EVL: variants seen among roughly 807,000 people sequenced by gnomAD.
EVL encodes the protein ena/VASP-like protein.
Under a neutral mutation model 59.6 loss-of-function variants are expected in EVL, and 21 were observed. That is an observed-to-expected ratio of 0.35 (90% CI 0.25 to 0.51). The LOEUF (loss-of-function observed/expected upper bound fraction) is 0.51. EVL is among the 20% of genes least tolerant of loss of function. The probability of loss-of-function intolerance (pLI) is 0.97; values close to 1 mark genes in which losing one functional copy is unlikely to be tolerated. For missense variants in EVL, 462 were observed against 546.6 expected (o/e 0.85, Z 1.54); for synonymous variants, 198 against 203.5 (o/e 0.97, Z 0.23).
Position 100,109,658 on chromosome 14 carries a change from A to T in EVL, c.358+12000A>T. On this transcript the variant is annotated intron_variant, in intron 3 of 13. Coordinates refer to ENST00000392920, the MANE Select transcript of EVL (RefSeq NM_016337.3). The surrounding 1 kb of genome is among the most constrained non-coding windows in gnomAD (Gnocchi z 4.3). ...GACCGCTTGCTGGCCAACCTGTGAAACTGGGCTCAAGGTGAGGGGTGCTAT... is the reference window on the plus strand; with the variant it reads ...GACCGCTTGCTGGCCAACCTGTGAATCTGGGCTCAAGGTGAGGGGTGCTAT... 1.9e-6 allele frequency: 1 copy of T among 531,202 alleles called. No homozygotes were observed. Among genetic ancestry groups the T allele is most frequent in the South Asian group, 1.4e-5 (1 of 70,424 alleles). 32.9% of individuals were successfully genotyped at this position (531,202 alleles called of 1,614,324 possible). A position where few individuals can be genotyped will look rare whatever the true frequency, so the allele number is the denominator to read the frequency against.
chr14:100,072,166 G>A (rs1325220537), intron 1 of EVL, among the ~76,000 whole-genome samples: 3 of 152,158 alleles, frequency 2.0e-5, no homozygotes, highest in Non-Finnish European at 4.4e-5. Context: ...TCGATCAAAT[G>A]TAATCCATGA....
chr14:100,021,352 G>A (rs2061121002), intron 1 of EVL, among the ~76,000 whole-genome samples: 1 of 152,198 alleles, frequency 6.6e-6, no homozygotes, highest in Non-Finnish European at 1.5e-5. Flanking sequence ...CTATCATTAT[G>A]AAGGGTAGAC....
chr14:99,973,236 C>T (rs1325148777), intron 1 of EVL, among the ~76,000 whole-genome samples: 1 of 152,184 alleles, frequency 6.6e-6, no homozygotes, highest in Non-Finnish European at 1.5e-5. Flanking sequence ...TACGAGCTGA[C>T]ATTCTTACCA....
At chr14:100,088,899 A>T (rs557160048) in intron 2 of EVL, among the ~76,000 whole-genome samples, 4 of 152,376 alleles carry the variant, frequency 2.6e-5, no homozygotes, top group East Asian at 1.9e-4. Context: ...AATAAAGCTG[A>T]TAAGGAGATC....
chr14:100,014,862 G>A (rs907502951), intron 1 of EVL, among the ~76,000 whole-genome samples: 1 of 152,124 alleles, frequency 6.6e-6, no homozygotes, highest in Admixed American at 6.6e-5. Context: ...TCTTATTACC[G>A]CTCAGCCCCC....
At chr14:100,097,729 G>A (rs1595172665) in intron 3 of EVL, 71 bp downstream of exon 3, 2 of 1,434,248 alleles carry the variant, frequency 1.4e-6, no homozygotes, top group Admixed American at 2.2e-5. Context: ...CCACAGCTCT[G>A]GCTCTCCGGG....
At chr14:100,014,533 T>C (rs1289106258) in intron 1 of EVL, among the ~76,000 whole-genome samples, 1 of 152,232 alleles carries the variant, frequency 6.6e-6, no homozygotes, top group African/African-American at 2.4e-5. Flanking sequence ...AGTCATCTGT[T>C]GATGGGTACT....
chr14:100,119,461 C>T (rs1267758443), intron 3 of EVL, among the ~76,000 whole-genome samples: 1 of 152,282 alleles, frequency 6.6e-6, no homozygotes, highest in South Asian at 2.1e-4. Context: ...CCACTCATCC[C>T]GTATACTTCA....
intron 1 of EVL, among the ~76,000 whole-genome samples, chr14:99,997,505 A>G (rs538362477): frequency 1.3e-5 from 2 of 152,352 alleles, no homozygotes; most frequent in African/African-American, 4.8e-5. Context: ...AATGATTTTG[A>G]TTCTGGGAGA....
rs2061157523 is a variant in EVL at position 100,023,293 on chromosome 14, A to G, written c.5+51236A>G. ...GATCTCAGCTCACTGCAACCTCCAC[A>G]TCCCAAGTTCAAGCAATTCTCCTGC... On this transcript the variant is annotated intron_variant, in intron 1 of 13. Transcript: ENST00000402714. Among the ~76,000 whole-genome samples the G allele has an allele frequency of 2.0e-5, 3 of 146,356 alleles. No individual in the cohort carries two copies. In the South Asian group the frequency reaches 6.5e-4, roughly 32 times the overall value.
chr14:100,068,365 C>T (rs750483591), intron 1 of EVL, among the ~76,000 whole-genome samples: 9 of 152,174 alleles, frequency 5.9e-5, no homozygotes, highest in Non-Finnish European at 1.3e-4. Flanking sequence ...TCAGGCCCAA[C>T]GGCAAAGCCT....
upstream of EVL, among the ~76,000 whole-genome samples, chr14:100,063,050 A>G (rs755642350): frequency 6.6e-6 from 1 of 152,194 alleles, no homozygotes; most frequent in Non-Finnish European, 1.5e-5. Flanking sequence ...GTGAACTATG[A>G]TCACACCACT....
At chr14:100,057,693 A>G (rs964665714) in intron 1 of EVL, among the ~76,000 whole-genome samples, 8 of 152,186 alleles carry the variant, frequency 5.3e-5, no homozygotes, top group African/African-American at 1.7e-4. Context: ...TAAACTTTTT[A>G]AAGAAATGTC....
intron 2 of EVL, among the ~76,000 whole-genome samples, chr14:100,096,245 G>A (rs1211543498): frequency 6.6e-6 from 1 of 152,204 alleles, no homozygotes; most frequent in Non-Finnish European, 1.5e-5. Flanking sequence ...CATAGAGAGC[G>A]TTATCCCCAA....
intron 1 of EVL, 61 bp from the exon 2 acceptor site, chr14:100,084,626 G>C: frequency 2.6e-6 from 4 of 1,566,086 alleles, no homozygotes; most frequent in Non-Finnish European, 3.5e-6. Context: ...TTCAGAAAAG[G>C]GCAAAGTCAA....
At chr14:100,126,817 G>A in intron 5 of EVL, 46 bp downstream of exon 5, 1 of 1,585,198 alleles carries the variant, frequency 6.3e-7, no homozygotes, top group Admixed American at 1.7e-5. Context: ...CTGCTGCCAG[G>A]TGGCAGCCCC....
chr14:100,117,228 T>C (rs1034187958), intron 3 of EVL, among the ~76,000 whole-genome samples: 2 of 152,204 alleles, frequency 1.3e-5, no homozygotes, highest in Non-Finnish European at 2.9e-5. Context: ...GGGTGGCTCC[T>C]AAGGCTCTCT....
chr14:100,003,278 C>T (rs1048206716), intron 1 of EVL, among the ~76,000 whole-genome samples: 1 of 152,180 alleles, frequency 6.6e-6, no homozygotes, highest in African/African-American at 2.4e-5. Context: ...TAATTGCTAT[C>T]ACTGTTTAAC....
chr14:100,084,699 C>G lies in EVL; in HGVS notation c.24C>G (p.Ile8Met). 2 of 1,614,132 alleles carry G rather than the reference C, an allele frequency of 1.2e-6. No homozygotes were observed. The highest frequency in any genetic ancestry group is 1.7e-6 in the Non-Finnish European group (2 of 1,179,998). The change falls in exon 2 of 14, where the codon ATC becomes ATG. Residue 8 changes from isoleucine (I) to methionine (M), a missense_variant. Coordinates refer to ENST00000392920, the MANE Select transcript of EVL (RefSeq NM_016337.3). MATSEQS[I>M]CQARASVMVY... ...TCTTGCTCGGCAGTGAACAGAGTATCTGCCAAGCCCGGGCTTCCGTGATGG... is the reference window on the plus strand; with the variant it reads ...TCTTGCTCGGCAGTGAACAGAGTATGTGCCAAGCCCGGGCTTCCGTGATGG...
Sources: gnomAD v4.1 joint callset for allele counts (sites outside exome capture counted in the v4.1 genomes callset) on GRCh38, gnomAD v4.1.1 for gene constraint, Gnocchi (gnomAD v3.1) non-coding constraint, MANE v1.5 for transcripts, NCBI Gene and HGNC (gene_info 2026-07-23, HGNC 2026-07-21) for gene names.